Variants in ANTXR2 observed in about 807,000 individuals in gnomAD.
ANTXR2 encodes ANTXR cell adhesion molecule 2, also known as anthrax toxin receptor 2.
Under a neutral mutation model 73.7 loss-of-function variants are expected in ANTXR2, and 44 were observed. The ratio of observed to expected loss-of-function variants is 0.60; its 90% CI spans 0.47 to 0.77. The LOEUF (loss-of-function observed/expected upper bound fraction) is 0.77. Ranked by LOEUF, ANTXR2 falls within the 30% of genes least tolerant of loss-of-function variation. The pLI is 0.00. For missense variants in ANTXR2, 604 were observed against 592.5 expected, an observed-to-expected ratio of 1.02 and a Z score of -0.20; for synonymous variants, 217 against 205.9, an observed-to-expected ratio of 1.05 and a Z score of -0.46.
intron 16 of ANTXR2, among the ~76,000 whole-genome samples, chr4:79,954,680 G>C (rs897533547): frequency 2.6e-5 from 4 of 152,074 alleles, no homozygotes; most frequent in African/African-American, 9.7e-5. Flanking sequence ...AAAAATATCT[G>C]AAATATACTT....
At chr4:79,921,974 T>G (rs1009159501) in intron 16 of ANTXR2, among the ~76,000 whole-genome samples, 4 of 152,074 alleles carry the variant, frequency 2.6e-5, no homozygotes, top group African/African-American at 9.6e-5. Context: ...AATCACTATT[T>G]AATTTTGAAT....
rs181072359 is a variant in ANTXR2 at position 79,999,264 on chromosome 4, C to T, written c.1041+9257G>A. 1.8e-4 allele frequency among the ~76,000 whole-genome samples: 27 copies of T among 151,970 alleles called. 1 individual carries two copies. The highest frequency in any genetic ancestry group is 1.1e-3 in the Admixed American group (17 of 15,244). On this transcript the variant is annotated intron_variant, in intron 12 of 16. Coordinates refer to ENST00000403729, the MANE Select transcript of ANTXR2 (RefSeq NM_058172.6). ...GTGAGAGGTGACTGAATCATGGAGG[C>T]GGTTTTCCCCATGCTGTTCTCATGA... is the stretch of plus-strand genomic sequence containing the variant.
intron 16 of ANTXR2, among the ~76,000 whole-genome samples, chr4:79,927,160 C>T (rs1028717627): frequency 6.6e-6 from 1 of 151,068 alleles, no homozygotes; most frequent in East Asian, 1.9e-4. Context: ...GGCAAGCGAA[C>T]AAAAACAGAC....
intron 10 of ANTXR2, among the ~76,000 whole-genome samples, chr4:80,023,310 CTG>C (rs1246547358): frequency 2.0e-5 from 3 of 152,128 alleles, no homozygotes; most frequent in Non-Finnish European, 2.9e-5. Context: ...ATGTTGAGCT[CTG>C]TGCTTAAACC....
At chr4:79,975,708 A>C (rs1281595526) in intron 16 of ANTXR2, among the ~76,000 whole-genome samples, 2 of 152,200 alleles carry the variant, frequency 1.3e-5, no homozygotes, top group Non-Finnish European at 2.9e-5. Context: ...AAGAGGAAGA[A>C]GAGTTAGTAC....
chr4:79,913,935 T>TAGTC (rs1248221813), intron 16 of ANTXR2, among the ~76,000 whole-genome samples: 3 of 152,200 alleles, frequency 2.0e-5, no homozygotes, highest in African/African-American at 4.8e-5. Flanking sequence ...TGATAACTAA[T>TAGTC]AGTCCAGATA....
At chr4:80,045,146 C>A (rs1159014834) in intron 7 of ANTXR2, among the ~76,000 whole-genome samples, 1 of 151,324 alleles carries the variant, frequency 6.6e-6, no homozygotes, top group African/African-American at 2.4e-5. Flanking sequence ...AAAACAAAAA[C>A]AACATGAAGA....
chr4:79,936,945 C>T (rs998004110), intron 16 of ANTXR2, among the ~76,000 whole-genome samples: 1 of 152,000 alleles, frequency 6.6e-6, no homozygotes, highest in Non-Finnish European at 1.5e-5. Flanking sequence ...TTGTATAATG[C>T]TAGGCAGAAA....
intron 3 of ANTXR2, among the ~76,000 whole-genome samples, chr4:80,056,630 T>C (rs1299015599): frequency 2.6e-5 from 4 of 151,708 alleles, no homozygotes; most frequent in Non-Finnish European, 4.4e-5. Context: ...AATGAAAAAA[T>C]AGGTGGATGG....
intron 16 of ANTXR2, among the ~76,000 whole-genome samples, chr4:79,946,185 T>C (rs1262311206): frequency 6.6e-6 from 1 of 152,114 alleles, no homozygotes; most frequent in Non-Finnish European, 1.5e-5. Flanking sequence ...GATTGAAAAT[T>C]TGCTTCAAGG....
At chr4:79,953,701 T>C (rs1352333890) in intron 16 of ANTXR2, among the ~76,000 whole-genome samples, 4 of 152,086 alleles carry the variant, frequency 2.6e-5, no homozygotes, top group Non-Finnish European at 1.5e-5. Context: ...ATATTTCTTT[T>C]TTTTAAGTAA....
intron 14 of ANTXR2, among the ~76,000 whole-genome samples, chr4:79,978,385 C>G (rs1377456823): frequency 6.6e-6 from 1 of 151,124 alleles, no homozygotes; most frequent in Non-Finnish European, 1.5e-5. Context: ...AAAAAAAAAC[C>G]CTTTGTAAAA....
At chr4:80,033,088 G>A (rs947047369) in intron 9 of ANTXR2, among the ~76,000 whole-genome samples, 1 of 151,934 alleles carries the variant, frequency 6.6e-6, no homozygotes, top group Non-Finnish European at 1.5e-5. Flanking sequence ...AAAGAAGCCT[G>A]AGGAAAGAAG....
At chr4:79,927,295 C>CACACACAT (rs1727859626) in intron 16 of ANTXR2, among the ~76,000 whole-genome samples, 1 of 7,238 alleles carries the variant, frequency 1.4e-4, no homozygotes, top group Non-Finnish European at 3.3e-4. Context: ...GAGCTCTTAC[C>CACACACAT]ACACACACAC....
At position 79,924,586 on chromosome 4, in the gene ANTXR2, T is replaced by C. The variant is rs557893717; in HGVS notation, c.1429-17119A>G. Among the ~76,000 whole-genome samples the C allele has an allele frequency of 5.9e-5, 9 of 152,250 alleles. No individual in the cohort carries two copies. The South Asian group carries it at 1.4e-3, about 25-fold the overall frequency. Reference sequence around the variant, plus strand: ...AGTTAATGAAAAAGTTCTTAATCTCTAATGCATTATCAGAGTTGTTCTTCT... The same window carrying C: ...AGTTAATGAAAAAGTTCTTAATCTCCAATGCATTATCAGAGTTGTTCTTCT... On this transcript the variant is annotated intron_variant, in intron 16 of 16. Coordinates refer to ENST00000403729, the MANE Select transcript of ANTXR2 (RefSeq NM_058172.6).
rs181139295 is a variant in ANTXR2, at chr4:80,068,831, T to C, written c.296+605A>G. On this transcript the variant is annotated intron_variant, in intron 3 of 16. Coordinates refer to ENST00000403729, the MANE Select transcript of ANTXR2 (RefSeq NM_058172.6). ...TATTTCTAACTTGTCATTGACACTG[T>C]TTGAATGACACAGAAATGGTCATAT... Among the ~76,000 whole-genome samples, 10 of 152,272 alleles carry C rather than the reference T, an allele frequency of 6.6e-5. 1 individual carries two copies. The highest frequency in any genetic ancestry group is 5.2e-4 in the Admixed American group (8 of 15,292).
At chr4:79,984,139 G>A (rs567551000) in intron 13 of ANTXR2, among the ~76,000 whole-genome samples, 169 bp from the exon 14 acceptor site, 1 of 152,248 alleles carries the variant, frequency 6.6e-6, no homozygotes, top group Non-Finnish European at 1.5e-5. Context: ...TTCAAGTGGA[G>A]TTCTACAGGA....
intron 1 of ANTXR2, among the ~76,000 whole-genome samples, chr4:80,072,078 G>C (rs759345721): frequency 6.6e-6 from 1 of 152,150 alleles, no homozygotes; most frequent in Non-Finnish European, 1.5e-5. Flanking sequence ...CAGGGTCGAG[G>C]AGGTGGGTAA....
At chr4:79,959,013 T>C (rs1430752085) in intron 16 of ANTXR2, among the ~76,000 whole-genome samples, 2 of 151,848 alleles carry the variant, frequency 1.3e-5, no homozygotes, top group Admixed American at 1.3e-4. Flanking sequence ...TTAAATAGAA[T>C]ATGAAATAAA....
Sources: gnomAD v4.1 joint callset for allele counts (sites outside exome capture counted in the v4.1 genomes callset) on GRCh38, gnomAD v4.1.1 for gene constraint, MANE v1.5 for transcripts, NCBI Gene and HGNC (gene_info 2026-07-23, HGNC 2026-07-21) for gene names.